The following NELL1 variants were observed in gnomAD, a reference collection of about 807,000 sequenced individuals.
The protein encoded by NELL1 is protein kinase C-binding protein NELL1.
A neutral mutation model predicts 107.4 loss-of-function variants in NELL1; 76 were observed. That is an observed-to-expected ratio of 0.71 (90% confidence interval 0.59 to 0.86). NELL1 has a LOEUF of 0.86. Among genes scored for constraint, NELL1 ranks in the 40% least tolerant of loss-of-function variants. NELL1 has a pLI of 0.00. For missense variants in NELL1, 1,024 were observed against 1,005.5 expected, an observed-to-expected ratio of 1.02 and a Z score of -0.25; for synonymous variants, 353 against 341.2, an observed-to-expected ratio of 1.03 and a Z score of -0.38.
intron 13 of NELL1, among the ~76,000 whole-genome samples, chr11:21,150,195 C>T (rs1423569154): frequency 1.3e-5 from 2 of 152,108 alleles, no homozygotes; most frequent in African/African-American, 4.8e-5. Context: ...AGGAGGAAAG[C>T]TTGTGGTCAG....
At chr11:21,428,716 A>T (rs770205176) in intron 15 of NELL1, among the ~76,000 whole-genome samples, 1 of 152,164 alleles carries the variant, frequency 6.6e-6, no homozygotes, top group Non-Finnish European at 1.5e-5. Flanking sequence ...AGGCTTGGTG[A>T]TTATCATCAG....
chr11:20,805,031 T>G (rs1401166853), intron 3 of NELL1, among the ~76,000 whole-genome samples: 2 of 152,224 alleles, frequency 1.3e-5, no homozygotes, highest in Non-Finnish European at 2.9e-5. Context: ...AATAAACTTC[T>G]TTGTCTTTTT....
rs1478315078 is a variant in NELL1 at position 21,479,114 on chromosome 11, A to G, written c.1646-55260A>G. The stretch of plus-strand genomic sequence containing the variant: ...GGGAATGTAAAGTAGTGCAACCACT[A>G]TGAAGAACAGTTTGGAAGCTCGTCA... On this transcript the variant is annotated intron_variant, in intron 15 of 19. Coordinates refer to ENST00000357134, the MANE Select transcript of NELL1 (RefSeq NM_006157.5). Among the ~76,000 whole-genome samples the G allele has an allele frequency of 6.6e-5, 10 of 152,190 alleles. 1 individual carries two copies. Among genetic ancestry groups the G allele is most frequent in the Non-Finnish European group, 1.5e-4 (10 of 68,034 alleles).
At chr11:21,133,478 G>C (rs990906164) in intron 13 of NELL1, among the ~76,000 whole-genome samples, 2 of 152,116 alleles carry the variant, frequency 1.3e-5, no homozygotes, top group Non-Finnish European at 2.9e-5. Flanking sequence ...CACCCAGGCT[G>C]TTCCTGCTGA....
intron 15 of NELL1, among the ~76,000 whole-genome samples, chr11:21,397,519 G>A (rs1238724304): frequency 6.6e-6 from 1 of 151,318 alleles, no homozygotes; most frequent in Admixed American, 6.6e-5. Context: ...CTAAATTTTT[G>A]TCAGTGAAAA....
intron 7 of NELL1, chr11:20,926,902 A>C (rs1850508532): frequency 6.3e-6 from 1 of 158,508 alleles, no homozygotes; most frequent in African/African-American, 2.4e-5. Context: ...TGTGAAGAAC[A>C]TAGAGAGGAT....
intron 12 of NELL1, among the ~76,000 whole-genome samples, chr11:20,989,233 G>T (rs754076694): frequency 6.6e-6 from 1 of 152,150 alleles, no homozygotes; most frequent in Non-Finnish European, 1.5e-5. Context: ...TGTGGAACAC[G>T]TGAGGCTTGG....
At chr11:20,707,740 C>T (rs1855004456) in intron 2 of NELL1, among the ~76,000 whole-genome samples, 1 of 152,202 alleles carries the variant, frequency 6.6e-6, no homozygotes. Flanking sequence ...AGCTTTGTCT[C>T]AGAGGGGCAC....
chr11:21,089,090 A>T (rs562478701), intron 12 of NELL1, among the ~76,000 whole-genome samples: 4 of 152,302 alleles, frequency 2.6e-5, no homozygotes, highest in Admixed American at 2.6e-4. Context: ...ATAGATAAAA[A>T]TGCTGAGTGC....
chr11:21,306,008 G>A (rs532837986), intron 14 of NELL1, among the ~76,000 whole-genome samples: 19 of 151,900 alleles, frequency 1.3e-4, no homozygotes, highest in Non-Finnish European at 2.4e-4. Flanking sequence ...AATTCTGTAT[G>A]CCAATTTGGT....
chr11:20,724,733 A>G (rs1023185436), intron 2 of NELL1, among the ~76,000 whole-genome samples: 1 of 152,178 alleles, frequency 6.6e-6, no homozygotes, highest in African/African-American at 2.4e-5. Flanking sequence ...CTGTTCTAAC[A>G]TCTTCCCATT....
At chr11:20,889,106 G>A (rs765160418) in intron 5 of NELL1, among the ~76,000 whole-genome samples, 3 of 152,146 alleles carry the variant, frequency 2.0e-5, no homozygotes, top group Non-Finnish European at 4.4e-5. Context: ...CAAGGATATG[G>A]ATGCAAGGAG....
intron 3 of NELL1, among the ~76,000 whole-genome samples, chr11:20,820,720 AG>A (rs1180212031): frequency 2.6e-5 from 4 of 152,120 alleles, no homozygotes; most frequent in African/African-American, 9.7e-5. Flanking sequence ...CTCTTGTCAA[AG>A]AATAGAATAC....
At chr11:21,337,962 A>T (rs1850474849) in intron 14 of NELL1, among the ~76,000 whole-genome samples, 1 of 150,896 alleles carries the variant, frequency 6.6e-6, no homozygotes, top group Non-Finnish European at 1.5e-5. Flanking sequence ...TCTATCCTAT[A>T]GAATACTTGC....
intron 12 of NELL1, among the ~76,000 whole-genome samples, chr11:20,985,938 T>A (rs939595226): frequency 6.6e-6 from 1 of 152,240 alleles, no homozygotes; most frequent in Admixed American, 6.5e-5. Context: ...GCTGTCACTG[T>A]CTTGTGAGGC....
At position 21,348,546 on chromosome 11, in the gene NELL1, T is replaced by C. The variant is rs114067802; in HGVS notation, c.1550-22307T>C. ...TAAGCATTTATTTCTTGATTTATAA[T>C]GTTTGGATAAAAATAGCACCTACCT... On this transcript the variant is annotated intron_variant, in intron 14 of 19. Coordinates refer to ENST00000357134, the MANE Select transcript of NELL1 (RefSeq NM_006157.5). Among the ~76,000 whole-genome samples the C allele has an allele frequency of 5.2e-3, 794 of 152,326 alleles. 8 individuals carry two copies. Among genetic ancestry groups the C allele is most frequent in the African/African-American group, 0.016 (660 of 41,574 alleles).
At chr11:21,074,893 T>C (rs1197628991) in intron 12 of NELL1, among the ~76,000 whole-genome samples, 1 of 152,136 alleles carries the variant, frequency 6.6e-6, no homozygotes, top group Non-Finnish European at 1.5e-5. Context: ...TCTGTACGGA[T>C]GTGTGAGGCT....
intron 12 of NELL1, among the ~76,000 whole-genome samples, chr11:21,072,714 A>C (rs1255724891): frequency 6.6e-6 from 1 of 152,216 alleles, no homozygotes; most frequent in East Asian, 1.9e-4. Flanking sequence ...GGAACTGAAA[A>C]AGAAGTGAAG....
chr11:21,564,175 G>A (rs1370431698), intron 17 of NELL1, among the ~76,000 whole-genome samples: 1 of 151,852 alleles, frequency 6.6e-6, no homozygotes, highest in Non-Finnish European at 1.5e-5. Flanking sequence ...ACAGCATGAT[G>A]GATGACCTGA....
Sources: allele counts gnomAD v4.1 joint callset (sites outside exome capture counted in the v4.1 genomes callset), GRCh38; gene constraint gnomAD v4.1.1; transcripts MANE v1.5; gene names NCBI Gene and HGNC (gene_info 2026-07-23, HGNC 2026-07-21).